The following DARS2 variants were observed in gnomAD, a reference collection of about 807,000 sequenced individuals.
DARS2 encodes the protein aspartate--tRNA ligase, mitochondrial.
In DARS2, 63 loss-of-function variants were observed where a neutral mutation model predicts 83.0. The ratio of observed to expected loss-of-function variants is 0.76; its 90% CI spans 0.62 to 0.94. The LOEUF (loss-of-function observed/expected upper bound fraction) is 0.94. Ranked by LOEUF, DARS2 falls within the 40% of genes least tolerant of loss-of-function variation. The probability of loss-of-function intolerance (pLI) is 0.00; values close to 1 mark genes in which losing one functional copy is unlikely to be tolerated. For synonymous variants in DARS2, 250 were observed against 269.3 expected (o/e 0.93, Z 0.70); for missense variants, 675 against 774.4 (o/e 0.87, Z 1.52).
chr1:173,844,669 C>CAA lies in DARS2; in HGVS notation c.1129-522_1129-521dup, dbSNP rs549839808. The stretch of plus-strand genomic sequence containing the variant: ...TGGGTGACAGAGCTAGACTCCATCG[C>CAA]AAAAAAAAAAAAAAAAAAAAAAAAA... On this transcript the variant is annotated intron_variant, in intron 11 of 16. Coordinates refer to ENST00000649689, the MANE Select transcript of DARS2 (RefSeq NM_018122.5). Among the ~76,000 whole-genome samples, 5 of 29,930 alleles carry CAA rather than the reference C, an allele frequency of 1.7e-4. 1 individual carries two copies. The highest frequency in any genetic ancestry group is 1.6e-4 in the African/African-American group (2 of 12,556). 19.6% of individuals were successfully genotyped at this position (29,930 alleles called of 152,430 possible).
chr1:173,852,145 G>A (rs185284150), intron 13 of DARS2: 40 of 985,350 alleles, frequency 4.1e-5, no homozygotes, highest in East Asian at 1.1e-4. Flanking sequence ...ATGAAGGTCC[G>A]TTATGTAGAC....
Position 173,857,535 on chromosome 1 carries a change from T to A in DARS2, c.1768T>A (p.Cys590Ser), listed in dbSNP as rs761821824. ...GIALGLDRLI[C>S]LVTGSPSIRD... Reference sequence around the variant, plus strand: ...ACTCACAGGGTTAGACAGACTGATATGCCTTGTCACTGGATCTCCAAGCAT... The same window carrying A: ...ACTCACAGGGTTAGACAGACTGATAAGCCTTGTCACTGGATCTCCAAGCAT... Residue 590 changes from cysteine to serine, a missense_variant, in exon 17 of 17, where the codon TGC becomes AGC. By Grantham distance (112) the Cys-to-Ser change is moderately radical. Transcript: ENST00000649689. 34 of 1,614,092 alleles carry A rather than the reference T, an allele frequency of 2.1e-5. No individual in the cohort carries two copies. The highest frequency in any genetic ancestry group is 2.7e-5 in the Non-Finnish European group (32 of 1,180,020).
intron 15 of DARS2, among the ~76,000 whole-genome samples, chr1:173,855,876 G>C (rs1009501928): frequency 4.0e-5 from 6 of 150,710 alleles, no homozygotes; most frequent in Non-Finnish European, 5.9e-5. Flanking sequence ...GGCCAGGCTA[G>C]TCTTGAACCC....
chr1:173,832,293 G>A (rs990377686), intron 5 of DARS2, among the ~76,000 whole-genome samples: 5 of 151,870 alleles, frequency 3.3e-5, no homozygotes, highest in African/African-American at 4.8e-5. Flanking sequence ...TGGCCAATTG[G>A]TCTTACATTT....
chr1:173,856,479 T>C (rs925046020), intron 15 of DARS2, among the ~76,000 whole-genome samples, 187 bp from the exon 16 acceptor site: 3 of 152,262 alleles, frequency 2.0e-5, no homozygotes, highest in Non-Finnish European at 2.9e-5. Flanking sequence ...CTTTTTCCCT[T>C]ACTAACCTGC....
chr1:173,853,920 C>G lies in DARS2; in HGVS notation c.1674+15C>G, dbSNP rs1653770923. On this transcript the variant is annotated intron_variant, in intron 15 of 16. Transcript: ENST00000649689. ...CCTTACTAAAGGTAACAAACATCAT[C>G]TGCTATCCTGGGCTTATTTTTTTAC... The G allele has an allele frequency of 6.3e-7, 1 of 1,579,678 alleles. No individual in the cohort carries two copies. The highest frequency in any genetic ancestry group is 1.3e-5 in the African/African-American group (1 of 74,208).
At chr1:173,837,914 C>T (rs1557857772) in intron 8 of DARS2, among the ~76,000 whole-genome samples, 2 of 152,102 alleles carry the variant, frequency 1.3e-5, no homozygotes, top group South Asian at 2.1e-4. Flanking sequence ...GCTGGGATTA[C>T]AGGCGCACGC....
rs1453442315 is a variant in DARS2, at chr1:173,853,857, A to C, written c.1626A>C (p.Arg542=). 6.2e-7 allele frequency: 1 copy of C among 1,614,088 alleles called. No homozygotes were observed. The highest frequency in any genetic ancestry group is 1.3e-5 in the African/African-American group (1 of 74,936). ...NGNEIGGGSI[R]IHNAELQRYI... is the part of the protein sequence containing the mutation. ...ATGAAATAGGAGGTGGTTCAATTCGAATTCACAATGCAGAGCTGCAGCGTT... is the reference window on the plus strand; with the variant it reads ...ATGAAATAGGAGGTGGTTCAATTCGCATTCACAATGCAGAGCTGCAGCGTT... Residue 542 remains arginine, a synonymous_variant, in exon 15 of 17, where the codon CGA becomes CGC. Transcript: ENST00000649689.
At chr1:173,825,658 C>A (rs1366488764) in intron 1 of DARS2, among the ~76,000 whole-genome samples, 4 of 151,132 alleles carry the variant, frequency 2.6e-5, no homozygotes, top group Admixed American at 2.6e-4. Flanking sequence ...TTTGGTAGAG[C>A]CGGGGTTTCA....
In DARS2 at chr1:173,824,862, G is replaced by C; in HGVS notation, c.-368G>C. On this transcript the variant is annotated 5_prime_UTR_variant, in exon 1 of 17. Coordinates refer to ENST00000649689, the MANE Select transcript of DARS2 (RefSeq NM_018122.5). ...CCTCTCGAGAAGCGTGGAAAGAGGA[G>C]AAGGGCGTATACCTTGTGACCGCCT... The C allele has an allele frequency of 7.8e-6, 2 of 256,040 alleles. No individual in the cohort carries two copies. Among genetic ancestry groups the C allele is most frequent in the South Asian group, 7.9e-5 (2 of 25,196 alleles). The allele number at this position is 256,040 out of a possible 1,614,324, so 15.9% of individuals were successfully genotyped here.
rs1181823768 is a variant in DARS2, at chr1:173,858,151, A to T, written c.*446A>T. Reference sequence around the variant, plus strand: ...CTCATCAAGAGAATCATATAAATTAAGCTTTATAATGACATTTCAACCATC... The same window carrying T: ...CTCATCAAGAGAATCATATAAATTATGCTTTATAATGACATTTCAACCATC... On this transcript the variant is annotated 3_prime_UTR_variant, in exon 17 of 17. Coordinates refer to ENST00000649689, the MANE Select transcript of DARS2 (RefSeq NM_018122.5). 5.0e-6 allele frequency: 1 copy of T among 201,360 alleles called. No individual in the cohort carries two copies. Among genetic ancestry groups the T allele is most frequent in the Non-Finnish European group, 1.0e-5 (1 of 96,696 alleles). 12.5% of individuals were successfully genotyped at this position (201,360 alleles called of 1,614,324 possible).
At chr1:173,845,184 C>T in intron 11 of DARS2, 45 bp from the exon 12 acceptor site, 1 of 1,119,050 alleles carries the variant, frequency 8.9e-7, no homozygotes. Flanking sequence ...GTTTATGAAG[C>T]TAAGTGTCAT....
intron 7 of DARS2, among the ~76,000 whole-genome samples, chr1:173,835,706 G>C (rs374636044): frequency 6.6e-6 from 1 of 151,696 alleles, no homozygotes; most frequent in African/African-American, 2.4e-5. Flanking sequence ...TCAGGAGTTA[G>C]AGACCAGCCT....
chr1:173,842,422 C>A (rs147376490), intron 11 of DARS2, among the ~76,000 whole-genome samples: 4 of 147,162 alleles, frequency 2.7e-5, no homozygotes, highest in African/African-American at 1.0e-4. Flanking sequence ...CCTTAGCCTC[C>A]TGAGTAGCTG....
chr1:173,834,943 T>C (rs765321456), intron 7 of DARS2, among the ~76,000 whole-genome samples: 6 of 151,556 alleles, frequency 4.0e-5, no homozygotes, highest in Admixed American at 2.0e-4. Flanking sequence ...CATGCCCGGC[T>C]AACTTTTGTA....
chr1:173,838,131 G>A (rs1653075003), intron 8 of DARS2, 59 bp from the exon 9 acceptor site: 1 of 1,388,770 alleles, frequency 7.2e-7, no homozygotes, highest in Non-Finnish European at 1.0e-6. Context: ...AACTTTTGGG[G>A]AAAAGTGTGT....
chr1:173,850,543 TATA>T, intron 13 of DARS2, 64 bp downstream of exon 13: 1 of 1,525,466 alleles, frequency 6.6e-7, no homozygotes, highest in Non-Finnish European at 9.0e-7. Context: ...CTCTCCTATG[TATA>T]TAGTATACGT....
At chr1:173,826,832 C>G in intron 2 of DARS2, 46 bp downstream of exon 2, 1 of 1,372,486 alleles carries the variant, frequency 7.3e-7, no homozygotes. Context: ...GTGGTTTTCC[C>G]AGGGCAATTC....
intron 8 of DARS2, 35 bp downstream of exon 8, chr1:173,837,081 G>A (rs750058957): frequency 9.0e-6 from 14 of 1,562,566 alleles, no homozygotes; most frequent in Non-Finnish European, 9.7e-6. Flanking sequence ...TGTCAGAAAA[G>A]GAAAAGAGAA....
Sources: allele counts gnomAD v4.1 joint callset (sites outside exome capture counted in the v4.1 genomes callset), GRCh38; gene constraint gnomAD v4.1.1; transcripts MANE v1.5; gene names NCBI Gene and HGNC (gene_info 2026-07-23, HGNC 2026-07-21).